Variants in RGS18 observed in about 807,000 individuals in gnomAD.
RGS18 encodes the protein regulator of G-protein signaling 18.
In RGS18, 22 loss-of-function variants were observed where a neutral mutation model predicts 27.6. That is an observed-to-expected ratio of 0.80 (90% confidence interval 0.57 to 1.14). RGS18 has a LOEUF of 1.14. Ranked by LOEUF, RGS18 falls within the 50% of genes most tolerant of loss-of-function variation. The pLI is 0.00. For synonymous variants in RGS18, 89 were observed against 84.6 expected (o/e 1.05, Z -0.29); for missense variants, 299 against 269.6 (o/e 1.11, Z -0.76).
chr1:192,172,864 C>CATATATATATATATATATATATATAAAT (rs549568195), intron 3 of RGS18, among the ~76,000 whole-genome samples: 1 of 135,544 alleles, frequency 7.4e-6, no homozygotes, highest in South Asian at 2.4e-4. Flanking sequence ...GAAAAATATG[C>CATATATATATATATATATATATATAAAT]ATATATATAT....
chr1:192,175,054 A>C (rs931439796), intron 3 of RGS18, among the ~76,000 whole-genome samples: 3 of 151,798 alleles, frequency 2.0e-5, no homozygotes, highest in Non-Finnish European at 4.4e-5. Flanking sequence ...TCCCTTCTGC[A>C]GTCTTTAATC....
chr1:192,163,455 A>G (rs2102151224), intron 3 of RGS18: 1 of 152,272 alleles, frequency 6.6e-6, no homozygotes, highest in East Asian at 1.9e-4. Context: ...GAAAATCCTC[A>G]CCTAGCATTC....
At chr1:192,184,035 C>T (rs1351671324) in intron 4 of RGS18, among the ~76,000 whole-genome samples, 1 of 151,514 alleles carries the variant, frequency 6.6e-6, no homozygotes, top group Non-Finnish European at 1.5e-5. Flanking sequence ...CACTCACTAT[C>T]GCAAGGACAG....
At chr1:192,159,890 T>C (rs918354542) in intron 2 of RGS18, among the ~76,000 whole-genome samples, 1 of 152,120 alleles carries the variant, frequency 6.6e-6, no homozygotes, top group Non-Finnish European at 1.5e-5. Flanking sequence ...AAATATCTTA[T>C]ATTTCTTATC....
At chr1:192,159,193 C>T (rs372304453) in intron 1 of RGS18, 27 bp from the exon 2 acceptor site, 1 of 1,510,510 alleles carries the variant, frequency 6.6e-7, no homozygotes, top group East Asian at 2.3e-5. Context: ...TCTAAATTGT[C>T]CTGACATGAA....
In RGS18 at chr1:192,159,281, AC is replaced by A; in HGVS notation, c.184del (p.Arg62AlafsTer20). 1.2e-6 allele frequency: 2 copies of A among 1,613,782 alleles called. No individual in the cohort carries two copies. Among genetic ancestry groups the A allele is most frequent in the South Asian group, 1.1e-5 (1 of 91,064 alleles). On this transcript the variant is annotated frameshift_variant, in exon 2 of 5. Transcript: ENST00000367460. LOFTEE classifies it high-confidence loss of function. ...GCAGAAACCTGAGTTTCATGAAGACACCCGCTCCAGTAGATCTGGGCACTTG... is the reference window on the plus strand; with the variant it reads ...GCAGAAACCTGAGTTTCATGAAGACACCGCTCCAGTAGATCTGGGCACTTG... The part of the protein sequence containing the change: ...LVQKPEFHED[T>X]RSSRSGHLAK...
intron 3 of RGS18, chr1:192,169,362 T>C (rs1387516945): frequency 6.6e-6 from 1 of 152,212 alleles, no homozygotes; most frequent in East Asian, 1.9e-4. Flanking sequence ...TCAGTGCTAC[T>C]TTATTTATAA....
At position 192,160,675 on chromosome 1, in the gene RGS18, T is replaced by C. The variant is rs1656054017; in HGVS notation, c.283+236T>C. On this transcript the variant is annotated intron_variant, in intron 3 of 4. Coordinates refer to ENST00000367460, the MANE Select transcript of RGS18 (RefSeq NM_130782.3). ...TGGATGAAATATTAGTTATTTATAC[T>C]GTAGCTAGTTTCAGTTTTTAAATTT... 33 of 422,078 alleles carry C rather than the reference T, an allele frequency of 7.8e-5. No homozygotes were observed. The East Asian group carries it at 1.1e-3, about 15-fold the overall frequency. 26.1% of individuals were successfully genotyped at this position (422,078 alleles called of 1,614,324 possible). A position where few individuals can be genotyped will look rare whatever the true frequency, so the allele number is the denominator to read the frequency against.
At position 192,184,636 on chromosome 1, in the gene RGS18, C is replaced by T. The variant is rs1266834578; in HGVS notation, c.*82C>T. The T allele has an allele frequency of 7.4e-7, 1 of 1,358,404 alleles. No homozygotes were observed. Among genetic ancestry groups the T allele is most frequent in the Non-Finnish European group, 1.0e-6 (1 of 986,852 alleles). 84.1% of individuals were successfully genotyped at this position (1,358,404 alleles called of 1,614,324 possible). On this transcript the variant is annotated 3_prime_UTR_variant, in exon 5 of 5. Coordinates refer to ENST00000367460, the MANE Select transcript of RGS18 (RefSeq NM_130782.3). ...CGCATGTTTATGTTAAGATTTGGTC[C>T]CATCCTTTAAACTGAAATATGTCAT...
At chr1:192,176,532 G>A (rs966317368) in intron 3 of RGS18, among the ~76,000 whole-genome samples, 1 of 151,440 alleles carries the variant, frequency 6.6e-6, no homozygotes, top group African/African-American at 2.4e-5. Context: ...AGTTATTTGT[G>A]GTAGGAGGAC....
chr1:192,158,695 A>T lies in RGS18; in HGVS notation c.58A>T (p.Thr20Ser). Residue 20 changes from threonine (T) to serine (S), a missense_variant, in exon 1 of 5, where the codon ACT becomes TCT. Thr to Ser is a moderately conservative substitution (Grantham distance 58). Coordinates refer to ENST00000367460, the MANE Select transcript of RGS18 (RefSeq NM_130782.3). ...AAATATGTGTGAATCAAAAGAAAAA[A>T]CTTTTTTCAAGTTAATACATGGTTC... Reference protein sequence around the residue: ...QINMCESKEKTFFKLIHGSGK... With the variant: ...QINMCESKEKSFFKLIHGSGK... The T allele has an allele frequency of 1.3e-6, 2 of 1,583,482 alleles. No homozygotes were observed. Among genetic ancestry groups the T allele is most frequent in the African/African-American group, 1.4e-5 (1 of 73,208 alleles).
At chr1:192,181,107 T>C (rs1465532598) in intron 3 of RGS18, among the ~76,000 whole-genome samples, 185 bp from the exon 4 acceptor site, 1 of 151,628 alleles carries the variant, frequency 6.6e-6, no homozygotes, top group East Asian at 1.9e-4. Flanking sequence ...AATACTTTCC[T>C]TTTATAGTTG....
chr1:192,159,438 G>A, intron 2 of RGS18, 117 bp downstream of exon 2: 1 of 671,358 alleles, frequency 1.5e-6, no homozygotes, highest in Non-Finnish European at 2.6e-6. Context: ...TATAAGGAAA[G>A]TTAGAAATTT....
At chr1:192,171,106 A>G (rs1461252370) in intron 3 of RGS18, among the ~76,000 whole-genome samples, 1 of 152,178 alleles carries the variant, frequency 6.6e-6, no homozygotes, top group Non-Finnish European at 1.5e-5. Flanking sequence ...CTTTACTCTG[A>G]AAACCTATAT....
intron 3 of RGS18, chr1:192,167,662 A>T (rs1571387736): frequency 6.6e-6 from 1 of 151,964 alleles, no homozygotes; most frequent in South Asian, 2.1e-4. Flanking sequence ...CTAGTGATCC[A>T]CCTGCCTCGA....
At chr1:192,177,890 G>A (rs981604097) in intron 3 of RGS18, among the ~76,000 whole-genome samples, 1 of 151,644 alleles carries the variant, frequency 6.6e-6, no homozygotes, top group Non-Finnish European at 1.5e-5. Flanking sequence ...ATTTTAAACG[G>A]TGAAGAATCA....
chr1:192,161,096 C>T (rs986005446), intron 3 of RGS18, among the ~76,000 whole-genome samples: 4 of 152,160 alleles, frequency 2.6e-5, no homozygotes, highest in Non-Finnish European at 4.4e-5. Flanking sequence ...GTGATCCACC[C>T]GTCTCAGCCT....
intron 3 of RGS18, among the ~76,000 whole-genome samples, chr1:192,175,829 A>C (rs1251648296): frequency 6.6e-6 from 1 of 151,890 alleles, no homozygotes; most frequent in Non-Finnish European, 1.5e-5. Context: ...AATTTTGATT[A>C]CTTGCACAAA....
At chr1:192,158,792 T>G (rs1477968795) in intron 1 of RGS18, 36 bp downstream of exon 1, 1 of 1,375,898 alleles carries the variant, frequency 7.3e-7, no homozygotes, top group Non-Finnish European at 1.0e-6. Flanking sequence ...CCTTATACTT[T>G]TAAAAGCATA....
Sources: allele counts gnomAD v4.1 joint callset (sites outside exome capture counted in the v4.1 genomes callset), GRCh38; gene constraint gnomAD v4.1.1; transcripts MANE v1.5; gene names NCBI Gene and HGNC (gene_info 2026-07-23, HGNC 2026-07-21).